PAQR5: variants seen among roughly 807,000 people sequenced by gnomAD.
PAQR5 encodes progestin and adipoQ receptor family member 5.
PAQR5 carries 20 observed loss-of-function variants against 34.5 expected under a neutral mutation model. The ratio of observed to expected loss-of-function variants is 0.58; its 90% CI spans 0.41 to 0.84. The LOEUF (loss-of-function observed/expected upper bound fraction) is 0.84. Ranked by LOEUF, PAQR5 falls within the 40% of genes least tolerant of loss-of-function variation. The pLI, the probability that PAQR5 is intolerant of heterozygous loss-of-function variation, is 0.00. For missense variants in PAQR5, 378 were observed against 412.7 expected, an observed-to-expected ratio of 0.92 and a Z score of 0.73; for synonymous variants, 131 against 155.6, an observed-to-expected ratio of 0.84 and a Z score of 1.18.
intron 2 of PAQR5, among the ~76,000 whole-genome samples, chr15:69,346,297 A>ATT (rs34728909): frequency 0.75 from 60,978 of 81,316 alleles, 27,276 homozygotes; most frequent in South Asian, 0.89. Flanking sequence ...ATATTTTGTA[A>ATT]TTTTTTTTTT....
intron 7 of PAQR5, among the ~76,000 whole-genome samples, chr15:69,398,590 G>A (rs945179952): frequency 1.2e-4 from 18 of 152,156 alleles, no homozygotes; most frequent in African/African-American, 4.3e-4. Flanking sequence ...CAAGGGGAGG[G>A]GCTGAGCTCC....
intron 1 of PAQR5, among the ~76,000 whole-genome samples, chr15:69,300,736 C>T (rs2053548590): frequency 1.9e-5 from 1 of 52,112 alleles, no homozygotes; most frequent in Non-Finnish European, 4.3e-5. Flanking sequence ...TTCTTTCTTT[C>T]TTTCTTTCTT....
intron 3 of PAQR5, among the ~76,000 whole-genome samples, chr15:69,373,538 C>T (rs1002593425): frequency 6.6e-6 from 1 of 152,156 alleles, no homozygotes; most frequent in African/African-American, 2.4e-5. Flanking sequence ...TGCTGTAGAT[C>T]AATACGTCTA....
Position 69,373,490 on chromosome 15 carries a change from C to A in PAQR5, c.52-6393C>A, listed in dbSNP as rs578169905. ...ATTTTTACAACAAATGTAAAACCAGCGGAATTGCTCTGTTATTTCAACTTT... is the reference window on the plus strand; with the variant it reads ...ATTTTTACAACAAATGTAAAACCAGAGGAATTGCTCTGTTATTTCAACTTT... On this transcript the variant is annotated intron_variant, in intron 3 of 8. Transcript: ENST00000395407. Among the ~76,000 whole-genome samples, 3 of 152,286 alleles carry A rather than the reference C, an allele frequency of 2.0e-5. No homozygotes were observed. In the South Asian group the frequency reaches 6.2e-4, roughly 32 times the overall value.
At chr15:69,346,349 A>C (rs1263157426) in intron 2 of PAQR5, among the ~76,000 whole-genome samples, 1 of 116,538 alleles carries the variant, frequency 8.6e-6, no homozygotes, top group Non-Finnish European at 1.6e-5. Flanking sequence ...TCTTTCACTC[A>C]GTCTGGAATG....
intron 1 of PAQR5, among the ~76,000 whole-genome samples, chr15:69,313,795 C>T (rs567711271): frequency 1.3e-5 from 2 of 151,970 alleles, no homozygotes; most frequent in Non-Finnish European, 2.9e-5. Flanking sequence ...GCAGGTGAGC[C>T]GCCTAAGAAG....
chr15:69,312,129 G>C (rs2053846999), intron 1 of PAQR5, among the ~76,000 whole-genome samples: 1 of 152,088 alleles, frequency 6.6e-6, no homozygotes, highest in South Asian at 2.1e-4. Context: ...GGTGTGTTTG[G>C]GTGTCCGGGA....
intron 3 of PAQR5, among the ~76,000 whole-genome samples, chr15:69,367,537 C>G (rs779084469): frequency 1.3e-5 from 2 of 152,178 alleles, no homozygotes; most frequent in African/African-American, 2.4e-5. Context: ...CTGGCTGCCC[C>G]CTCTGCAACG....
intron 1 of PAQR5, among the ~76,000 whole-genome samples, chr15:69,330,292 C>G (rs1452480357): frequency 6.6e-6 from 1 of 152,220 alleles, no homozygotes; most frequent in African/African-American, 2.4e-5. Context: ...TTTGTTCATT[C>G]CTGGGCATAG....
At chr15:69,402,116 A>G (rs1595955660) in intron 8 of PAQR5, among the ~76,000 whole-genome samples, 2 of 152,230 alleles carry the variant, frequency 1.3e-5, no homozygotes, top group African/African-American at 4.8e-5. Flanking sequence ...TGCCATAACA[A>G]AGTATCACAG....
chr15:69,380,799 AG>A (rs1471868834), intron 4 of PAQR5, among the ~76,000 whole-genome samples: 2 of 152,224 alleles, frequency 1.3e-5, no homozygotes, highest in African/African-American at 2.4e-5. Flanking sequence ...TGGTCGATGT[AG>A]ACACAGCCGA....
At chr15:69,310,809 C>T (rs1009152366) in intron 1 of PAQR5, among the ~76,000 whole-genome samples, 13 of 151,776 alleles carry the variant, frequency 8.6e-5, no homozygotes, top group Admixed American at 2.0e-4. Context: ...GAGGCCAAGG[C>T]GGGTGGATCA....
intron 5 of PAQR5, among the ~76,000 whole-genome samples, chr15:69,389,332 C>G (rs2056193713): frequency 6.6e-6 from 1 of 152,230 alleles, no homozygotes; most frequent in Admixed American, 6.5e-5. Context: ...AGTGATTAAA[C>G]CTCTCTATCC....
At chr15:69,366,256 A>G (rs1393041996) in intron 3 of PAQR5, among the ~76,000 whole-genome samples, 1 of 152,238 alleles carries the variant, frequency 6.6e-6, no homozygotes, top group Non-Finnish European at 1.5e-5. Flanking sequence ...GATGTTTTCA[A>G]GGTTCATCTA....
chr15:69,340,849 A>G (rs1567009016), intron 2 of PAQR5, among the ~76,000 whole-genome samples: 2 of 152,216 alleles, frequency 1.3e-5, no homozygotes, highest in Non-Finnish European at 2.9e-5. Flanking sequence ...GCTTCTCACA[A>G]TAGTGGGGGA....
At chr15:69,325,082 A>G (rs1267182640) in intron 1 of PAQR5, among the ~76,000 whole-genome samples, 1 of 152,016 alleles carries the variant, frequency 6.6e-6, no homozygotes, top group East Asian at 1.9e-4. Flanking sequence ...TATTTTTAGT[A>G]GAGACAGGGT....
At chr15:69,309,565 T>A (rs546204530) in intron 1 of PAQR5, among the ~76,000 whole-genome samples, 2 of 152,216 alleles carry the variant, frequency 1.3e-5, no homozygotes, top group Admixed American at 6.5e-5. Context: ...AGAGTTTTCA[T>A]CCTCCTATCT....
At chr15:69,319,430 C>T (rs911009433) in intron 1 of PAQR5, among the ~76,000 whole-genome samples, 43 of 151,356 alleles carry the variant, frequency 2.8e-4, no homozygotes, top group Admixed American at 1.7e-3. Context: ...GTGACCCGAA[C>T]GAGCACAGCT....
At chr15:69,371,250 A>G (rs8023686) in intron 3 of PAQR5, among the ~76,000 whole-genome samples, 144,216 of 152,204 alleles carry the variant, frequency 0.95, 68,824 homozygotes, top group South Asian at 1. Context: ...ATAATTCTTA[A>G]GTCCACATTT....
Sources: gnomAD v4.1 joint callset for allele counts (sites outside exome capture counted in the v4.1 genomes callset) on GRCh38, gnomAD v4.1.1 for gene constraint, MANE v1.5 for transcripts, NCBI Gene and HGNC (gene_info 2026-07-23, HGNC 2026-07-21) for gene names.